Variants in ADARB2 observed in about 807,000 individuals in gnomAD.
ADARB2 encodes adenosine deaminase RNA specific B2 (inactive), also known as inactive double-stranded RNA-specific editase B2.
A neutral mutation model predicts 62.2 loss-of-function variants in ADARB2; 25 were observed. That is an observed-to-expected ratio of 0.40 (90% CI 0.29 to 0.56). ADARB2 has a LOEUF of 0.56. Ranked by LOEUF, ADARB2 falls within the 20% of genes least tolerant of loss-of-function variation. ADARB2 has a pLI of 0.43. For missense variants in ADARB2, 1,071 were observed against 1,077.4 expected, an observed-to-expected ratio of 0.99 and a Z score of 0.08; for synonymous variants, 572 against 500.8, an observed-to-expected ratio of 1.14 and a Z score of -1.90.
chr10:1,599,378 G>A (rs1179510090), intron 1 of ADARB2, among the ~76,000 whole-genome samples: 5 of 152,248 alleles, frequency 3.3e-5, no homozygotes, highest in African/African-American at 1.2e-4. Context: ...AACATGTAAA[G>A]TGTGTGTCAC....
intron 1 of ADARB2, among the ~76,000 whole-genome samples, chr10:1,672,888 T>A (rs1243225050): frequency 6.6e-6 from 1 of 152,002 alleles, no homozygotes; most frequent in Admixed American, 6.5e-5. Flanking sequence ...AAATGGAGAG[T>A]AATTACTCAG....
chr10:1,393,587 T>C (rs1018756678), intron 1 of ADARB2, among the ~76,000 whole-genome samples: 1 of 152,222 alleles, frequency 6.6e-6, no homozygotes, highest in Non-Finnish European at 1.5e-5. Flanking sequence ...GGGACATTCC[T>C]GTGTCAACAC....
intron 1 of ADARB2, among the ~76,000 whole-genome samples, chr10:1,723,903 T>C (rs1835129538): frequency 6.6e-6 from 1 of 152,330 alleles, no homozygotes; most frequent in South Asian, 2.1e-4. Context: ...AGGTGGGATT[T>C]ATGAATTTTC....
chr10:1,624,278 GA>G, intron 1 of ADARB2, among the ~76,000 whole-genome samples: 1 of 152,118 alleles, frequency 6.6e-6, no homozygotes, highest in Non-Finnish European at 1.5e-5. Flanking sequence ...AAAAACCAAA[GA>G]AAAAAAGAAA....
chr10:1,653,825 G>A (rs983809957), intron 1 of ADARB2, among the ~76,000 whole-genome samples: 2 of 152,044 alleles, frequency 1.3e-5, no homozygotes, highest in African/African-American at 4.8e-5. Context: ...TTTTTTTCCT[G>A]TTAACCCTCC....
At chr10:1,618,737 C>T (rs58373139) in intron 1 of ADARB2, among the ~76,000 whole-genome samples, 3,057 of 152,116 alleles carry the variant, frequency 0.02, 97 homozygotes, top group African/African-American at 0.069. Context: ...ACGTGGTAAT[C>T]GACAGTTTCT....
At position 1,544,006 on chromosome 10, in the gene ADARB2, A is replaced by C. The variant is rs1352069003; in HGVS notation, c.101-164846T>G. On this transcript the variant is annotated intron_variant, in intron 1 of 9. Coordinates refer to ENST00000381312, the MANE Select transcript of ADARB2 (RefSeq NM_018702.4). ...CGAGAATGGCAGGTGACCAAAAAAA[A>C]AAAAAAACAAACAAAAAAAAAAACA... is the stretch of plus-strand genomic sequence containing the variant. Among the ~76,000 whole-genome samples the C allele has an allele frequency of 2.3e-3, 64 of 28,124 alleles. 1 individual carries two copies. Among genetic ancestry groups the C allele is most frequent in the Admixed American group, 6.3e-3 (10 of 1,598 alleles). The allele number at this position is 28,124 out of a possible 152,430, so 18.5% of individuals were successfully genotyped here. A position where few individuals can be genotyped will look rare whatever the true frequency, so the allele number is the denominator to read the frequency against.
chr10:1,280,295 C>A (rs1831358437), intron 3 of ADARB2, among the ~76,000 whole-genome samples: 1 of 152,192 alleles, frequency 6.6e-6, no homozygotes, highest in Admixed American at 6.5e-5. Context: ...CATGATGTCA[C>A]CTGAGCGGCT....
At position 1,636,918 on chromosome 10, in the gene ADARB2, T is replaced by C. The variant is rs555010571; in HGVS notation, c.100+100133A>G. On this transcript the variant is annotated intron_variant, in intron 1 of 9. Coordinates refer to ENST00000381312, the MANE Select transcript of ADARB2 (RefSeq NM_018702.4). Reference sequence around the variant, plus strand: ...TATATATCTATTTCTATGTAGAATATATATAATATCTCTCTCTATATATAA... The same window carrying C: ...TATATATCTATTTCTATGTAGAATACATATAATATCTCTCTCTATATATAA... Among the ~76,000 whole-genome samples, 3 of 149,766 alleles carry C rather than the reference T, an allele frequency of 2.0e-5. No individual in the cohort carries two copies. The South Asian group carries it at 6.3e-4, about 31-fold the overall frequency.
At chr10:1,524,503 G>A (rs867385017) in intron 1 of ADARB2, among the ~76,000 whole-genome samples, 1 of 152,314 alleles carries the variant, frequency 6.6e-6, no homozygotes, top group Middle Eastern at 3.4e-3. Context: ...GGGTCAATCA[G>A]CAAGAAGCAC....
At chr10:1,526,842 G>A (rs779160873) in intron 1 of ADARB2, 2 of 516,360 alleles carry the variant, frequency 3.9e-6, no homozygotes, top group Non-Finnish European at 4.0e-6. Flanking sequence ...GAGGGGTCGT[G>A]AGCGGGCACA....
intron 1 of ADARB2, among the ~76,000 whole-genome samples, chr10:1,558,566 T>TC (rs1832741058): frequency 3.4e-5 from 3 of 88,650 alleles, no homozygotes; most frequent in African/African-American, 9.3e-5. Flanking sequence ...CATCTAAATC[T>TC]GCATCCCACC....
At chr10:1,457,825 C>T (rs562171994) in intron 1 of ADARB2, among the ~76,000 whole-genome samples, 1 of 151,966 alleles carries the variant, frequency 6.6e-6, no homozygotes, top group Non-Finnish European at 1.5e-5. Flanking sequence ...ATGTCAATGA[C>T]CAGCTCGTCT....
chr10:1,458,534 C>T (rs895840091), intron 1 of ADARB2, among the ~76,000 whole-genome samples: 2 of 152,220 alleles, frequency 1.3e-5, no homozygotes, highest in Admixed American at 1.3e-4. Flanking sequence ...TTAGCCCTAT[C>T]CTGGGAGAGG....
In ADARB2 at chr10:1,199,922, G is replaced by A. The variant is rs1321039485; in HGVS notation, c.1864+44C>T. ...GCCGGGCACACCTGTGTCTGGCCTG[G>A]TGGTGGGAAGGAGGTGGAGGGCCCC... On this transcript the variant is annotated intron_variant, in intron 8 of 9. Coordinates refer to ENST00000381312, the MANE Select transcript of ADARB2 (RefSeq NM_018702.4). 10 of 1,468,450 alleles carry A rather than the reference G, an allele frequency of 6.8e-6. No individual in the cohort carries two copies. The South Asian group carries it at 1.3e-4, about 19-fold the overall frequency. 91.0% of individuals were successfully genotyped at this position (1,468,450 alleles called of 1,614,324 possible).
At chr10:1,190,932 C>G (rs981927906) in intron 8 of ADARB2, among the ~76,000 whole-genome samples, 20 of 152,340 alleles carry the variant, frequency 1.3e-4, no homozygotes, top group African/African-American at 4.1e-4. Context: ...GGTCTAAGGA[C>G]GGAGTGAGCA....
chr10:1,209,821 GA>G (rs1837125353), intron 7 of ADARB2, among the ~76,000 whole-genome samples: 1 of 152,216 alleles, frequency 6.6e-6, no homozygotes, highest in Non-Finnish European at 1.5e-5. Flanking sequence ...CAGGAGGCCA[GA>G]AGCCCACACA....
chr10:1,247,927 C>T (rs1008632923), intron 4 of ADARB2, among the ~76,000 whole-genome samples: 2 of 152,296 alleles, frequency 1.3e-5, no homozygotes, highest in South Asian at 4.1e-4. Context: ...CTCTGGTTCC[C>T]CACATGGAGA....
intron 1 of ADARB2, among the ~76,000 whole-genome samples, chr10:1,558,882 C>A (rs1275059361): frequency 2.0e-5 from 3 of 152,202 alleles, no homozygotes; most frequent in Non-Finnish European, 2.9e-5. Flanking sequence ...CCCAGCATAA[C>A]ATGCATGTGT....
Sources: gnomAD v4.1 joint callset for allele counts (sites outside exome capture counted in the v4.1 genomes callset) on GRCh38, gnomAD v4.1.1 for gene constraint, MANE v1.5 for transcripts, NCBI Gene and HGNC (gene_info 2026-07-23, HGNC 2026-07-21) for gene names.